DPP8: variants seen among roughly 807,000 people sequenced by gnomAD.
DPP8 encodes the protein dipeptidyl peptidase 8, also known as DPP VIII.
Under a neutral mutation model 107.5 loss-of-function variants are expected in DPP8, and 31 were observed. That is an observed-to-expected ratio of 0.29 (90% confidence interval 0.22 to 0.39). The LOEUF is 0.39. Among genes scored for constraint, DPP8 ranks in the 10% least tolerant of loss-of-function variants. DPP8 has a pLI of 1.00. For synonymous variants in DPP8, 381 were observed against 356.6 expected, an observed-to-expected ratio of 1.07 and a Z score of -0.77; for missense variants, 842 against 1,076.1, an observed-to-expected ratio of 0.78 and a Z score of 3.04.
At chr15:65,495,641 C>T (rs1035567243) in intron 5 of DPP8, among the ~76,000 whole-genome samples, 9 of 149,800 alleles carry the variant, frequency 6.0e-5, no homozygotes, top group African/African-American at 2.2e-4. Flanking sequence ...TGGCTCGTGC[C>T]TGTAATCCCA....
intron 15 of DPP8, among the ~76,000 whole-genome samples, chr15:65,461,292 G>A (rs919846947): frequency 1.3e-5 from 2 of 152,000 alleles, no homozygotes; most frequent in Admixed American, 1.3e-4. Context: ...CTGCAGGCAT[G>A]AGCCACCACG....
chr15:65,500,971 G>A (rs577610839), intron 3 of DPP8, among the ~76,000 whole-genome samples, 192 bp from the exon 4 acceptor site: 4 of 146,452 alleles, frequency 2.7e-5, no homozygotes, highest in African/African-American at 7.6e-5. Flanking sequence ...TCTGCCTCCC[G>A]GGTTCACACC....
Position 65,472,302 on chromosome 15 carries a change from G to T in DPP8, c.1536+1907C>A, listed in dbSNP as rs79753232. On this transcript the variant is annotated intron_variant, in intron 12 of 19. Transcript: ENST00000300141. ...AATTTATTTATTTATTTATTTATTG[G>T]TTTTTTTTGAGCCAGAGTATCACTG... Among the ~76,000 whole-genome samples the T allele has an allele frequency of 3.9e-3, 597 of 151,600 alleles. 1 individual carries two copies. The highest frequency in any genetic ancestry group is 0.014 in the African/African-American group (568 of 41,364).
chr15:65,469,038 C>T (rs1405892235), intron 12 of DPP8, among the ~76,000 whole-genome samples: 4 of 151,920 alleles, frequency 2.6e-5, no homozygotes, highest in Non-Finnish European at 5.9e-5. Context: ...TGCAGTGGCG[C>T]GATCTCGGCT....
At chr15:65,457,733 A>C (rs2064549944) in intron 15 of DPP8, among the ~76,000 whole-genome samples, 1 of 152,178 alleles carries the variant, frequency 6.6e-6, no homozygotes, top group African/African-American at 2.4e-5. Flanking sequence ...AAACAGGAGA[A>C]TAATGTTTTT....
chr15:65,506,478 G>C (rs1451996362), intron 3 of DPP8, among the ~76,000 whole-genome samples: 1 of 151,812 alleles, frequency 6.6e-6, no homozygotes, highest in African/African-American at 2.4e-5. Context: ...GCCAGGTGAG[G>C]TGGCTCACGC....
chr15:65,451,362 C>T (rs2063963417), intron 18 of DPP8, among the ~76,000 whole-genome samples: 1 of 151,834 alleles, frequency 6.6e-6, no homozygotes, highest in Non-Finnish European at 1.5e-5. Context: ...ATAGCATGTC[C>T]CTAGAAGAAC....
In DPP8 at chr15:65,448,872, A is replaced by ATGTGTGTG. The variant is rs1422546535; in HGVS notation, c.2527-1867_2527-1866insCACACACA. Among the ~76,000 whole-genome samples, 3 of 8,356 alleles carry ATGTGTGTG rather than the reference A, an allele frequency of 3.6e-4. 1 individual carries two copies. Among genetic ancestry groups the ATGTGTGTG allele is most frequent in the African/African-American group, 1.4e-3 (3 of 2,202 alleles). 5.5% of individuals were successfully genotyped at this position (8,356 alleles called of 152,430 possible). A position where few individuals can be genotyped will look rare whatever the true frequency, so the allele number is the denominator to read the frequency against. ...ATATACATATATATCTAAAATATAT[A>ATGTGTGTG]TATATATATATATATATATATATAT... On this transcript the variant is annotated intron_variant, in intron 19 of 19. Transcript: ENST00000300141.
At chr15:65,449,391 T>G (rs1194237446) in intron 19 of DPP8, among the ~76,000 whole-genome samples, 1 of 151,562 alleles carries the variant, frequency 6.6e-6, no homozygotes, top group Non-Finnish European at 1.5e-5. Context: ...TACAATTATC[T>G]GAAAAAGCTA....
chr15:65,504,891 G>A (rs192272160), intron 3 of DPP8, among the ~76,000 whole-genome samples: 7 of 152,070 alleles, frequency 4.6e-5, no homozygotes, highest in African/African-American at 1.7e-4. Context: ...GCTGAGGCAG[G>A]ATTGCCTGAG....
In DPP8 at chr15:65,478,894, C is replaced by G. The variant is rs774319411; in HGVS notation, c.1442G>C (p.Gly481Ala). Residue 481 changes from glycine to alanine, a missense_variant, in exon 11 of 20, where the codon GGG becomes GCG. Physicochemically the swap from Gly to Ala is moderately conservative, Grantham distance 60. This residue lies in a region of DPP8 where 663 missense variants were observed against 758.0 expected (regional missense o/e 0.87). Transcript: ENST00000300141. Reference sequence around the variant, plus strand: ...GGATTTCTTACTTGGAGCAGGCAGCCCACCACTGGATCGTTTATATTTGCT... The same window carrying G: ...GGATTTCTTACTTGGAGCAGGCAGCGCACCACTGGATCGTTTATATTTGCT... ...KESKYKRSSG[G>A]LPAPSDFKCP... 1.3e-6 allele frequency: 2 copies of G among 1,569,206 alleles called. No individual in the cohort carries two copies. The highest frequency in any genetic ancestry group is 2.8e-5 in the African/African-American group (2 of 71,722).
At chr15:65,451,902 G>C in intron 18 of DPP8, 58 bp downstream of exon 18, 1 of 1,480,350 alleles carries the variant, frequency 6.8e-7, no homozygotes, top group Non-Finnish European at 8.9e-7. Context: ...TCCAGCCTAA[G>C]TGACAGAGTG....
At chr15:65,499,850 GCCA>G (rs1485161765) in intron 4 of DPP8, among the ~76,000 whole-genome samples, 1 of 152,178 alleles carries the variant, frequency 6.6e-6, no homozygotes, top group Non-Finnish European at 1.5e-5. Context: ...ATGGGTGTGA[GCCA>G]CCACGTCTGA....
intron 5 of DPP8, among the ~76,000 whole-genome samples, chr15:65,492,641 G>A (rs1278066383): frequency 2.0e-5 from 3 of 151,928 alleles, no homozygotes; most frequent in Non-Finnish European, 4.4e-5. Context: ...TGTCACCAAG[G>A]GTAGAGCGCA....
chr15:65,483,345 G>C (rs546528456), intron 8 of DPP8, among the ~76,000 whole-genome samples: 1 of 151,898 alleles, frequency 6.6e-6, no homozygotes, highest in African/African-American at 2.4e-5. Context: ...GGCAACATAG[G>C]GAAATCCTGT....
intron 9 of DPP8, among the ~76,000 whole-genome samples, chr15:65,481,194 T>G (rs1024379843): frequency 2.0e-5 from 3 of 152,232 alleles, no homozygotes; most frequent in African/African-American, 7.2e-5. Context: ...ATCATCCTCA[T>G]ATAAAGCTCT....
chr15:65,471,535 A>G (rs1360272645), intron 12 of DPP8, among the ~76,000 whole-genome samples: 1 of 132,546 alleles, frequency 7.5e-6, no homozygotes, highest in Non-Finnish European at 1.6e-5. Context: ...TTTTTTTGGT[A>G]GAGATGGAGT....
intron 16 of DPP8, chr15:65,455,605 A>C: frequency 3.6e-6 from 4 of 1,123,016 alleles, no homozygotes; most frequent in South Asian, 1.7e-5. Flanking sequence ...CAGTGCACGC[A>C]ATCTCACTTC....
intron 6 of DPP8, among the ~76,000 whole-genome samples, chr15:65,488,614 A>G (rs1241015837): frequency 6.6e-6 from 1 of 151,050 alleles, no homozygotes; most frequent in Admixed American, 6.6e-5. Context: ...AAAAAAAAAA[A>G]AAAAAAAAAA....
Sources: allele counts gnomAD v4.1 joint callset (sites outside exome capture counted in the v4.1 genomes callset), GRCh38; gene constraint gnomAD v4.1.1; regional missense constraint gnomAD v4.1.1; transcripts MANE v1.5; gene names NCBI Gene and HGNC (gene_info 2026-07-23, HGNC 2026-07-21).